Variants in TTYH2 observed in about 807,000 individuals in gnomAD.
TTYH2 encodes protein tweety homolog 2.
In TTYH2, 49 loss-of-function variants were observed where a neutral mutation model predicts 68.3. The ratio of observed to expected loss-of-function variants is 0.72; its 90% CI spans 0.57 to 0.91. The LOEUF (loss-of-function observed/expected upper bound fraction) is 0.91, where lower values mean the gene tolerates loss of function less well. Among genes scored for constraint, TTYH2 ranks in the 40% least tolerant of loss-of-function variants. The probability of loss-of-function intolerance (pLI) is 0.00; values close to 1 mark genes in which losing one functional copy is unlikely to be tolerated. For missense variants in TTYH2, 631 were observed against 700.4 expected, an observed-to-expected ratio of 0.90 and a Z score of 1.12; for synonymous variants, 272 against 300.8, an observed-to-expected ratio of 0.90 and a Z score of 0.99.
At chr17:74,256,603 C>T (rs1004255674) in intron 13 of TTYH2, among the ~76,000 whole-genome samples, 1 of 152,138 alleles carries the variant, frequency 6.6e-6, no homozygotes. Context: ...CTGGGGTCCC[C>T]GGGAGTGGGC....
intron 11 of TTYH2, among the ~76,000 whole-genome samples, chr17:74,252,788 C>T (rs1598233259): frequency 4.6e-5 from 7 of 152,138 alleles, no homozygotes; most frequent in Admixed American, 4.6e-4. Context: ...TGGGCAGGGA[C>T]ACATGGTGTA....
At chr17:74,249,317 G>A (rs1235301707) in intron 7 of TTYH2, 27 bp from the exon 8 acceptor site, 5 of 1,613,902 alleles carry the variant, frequency 3.1e-6, no homozygotes, top group Non-Finnish European at 3.4e-6. Flanking sequence ...TTTGTGAGCT[G>A]CCTAACGTTA....
chr17:74,258,556 C>T (rs80030411), intron 13 of TTYH2, among the ~76,000 whole-genome samples: 5,825 of 152,144 alleles, frequency 0.038, 272 homozygotes, highest in African/African-American at 0.1. Flanking sequence ...TGTGAGCCAC[C>T]GTGCCTGGCC....
intron 6 of TTYH2, among the ~76,000 whole-genome samples, chr17:74,244,388 A>G (rs1326261166): frequency 6.6e-6 from 1 of 152,160 alleles, no homozygotes; most frequent in Admixed American, 6.5e-5. Flanking sequence ...GGGTGTGAAG[A>G]ACTGACCGGG....
intron 2 of TTYH2, among the ~76,000 whole-genome samples, chr17:74,224,167 T>C (rs1392625545): frequency 6.6e-6 from 1 of 152,134 alleles, no homozygotes; most frequent in Non-Finnish European, 1.5e-5. Flanking sequence ...CCCAGCACTT[T>C]GGGAGGCCAA....
intron 3 of TTYH2, among the ~76,000 whole-genome samples, chr17:74,233,694 G>A (rs984646044): frequency 7.2e-5 from 11 of 152,142 alleles, no homozygotes; most frequent in East Asian, 3.9e-4. Flanking sequence ...ACCTATGCAC[G>A]TCCAACTAGA....
At chr17:74,259,000 C>T (rs554860539) in intron 13 of TTYH2, among the ~76,000 whole-genome samples, 14 of 152,066 alleles carry the variant, frequency 9.2e-5, no homozygotes, top group Non-Finnish European at 2.1e-4. Context: ...AGTGCAGAAT[C>T]TCAGGTCCTG....
intron 13 of TTYH2, among the ~76,000 whole-genome samples, chr17:74,256,025 T>C (rs2050690726): frequency 6.6e-6 from 1 of 152,102 alleles, no homozygotes; most frequent in Non-Finnish European, 1.5e-5. Context: ...GTGAAAATCA[T>C]AGTGTCAGAC....
In TTYH2 at chr17:74,243,481, T is replaced by C. The variant is rs376937058; in HGVS notation, c.731+12T>C. ...TGTCTCCTGGCCTCGTGAGTATCCC[T>C]ACCCGTGGACCTGGGACAAAGAGCT... On this transcript the variant is annotated intron_variant, in intron 5 of 13. Coordinates refer to ENST00000269346, the MANE Select transcript of TTYH2 (RefSeq NM_032646.6). 1.9e-6 allele frequency: 3 copies of C among 1,613,186 alleles called. No homozygotes were observed. The highest frequency in any genetic ancestry group is 2.7e-5 in the African/African-American group (2 of 75,042).
At chr17:74,250,234 C>T (rs763038400) in intron 9 of TTYH2, 31 bp from the exon 10 acceptor site, 68 of 1,565,926 alleles carry the variant, frequency 4.3e-5, no homozygotes, top group East Asian at 3.4e-4. Context: ...TCCACAGCCC[C>T]TCGGCCTCTC....
chr17:74,245,836 G>A (rs2050552366), intron 6 of TTYH2, among the ~76,000 whole-genome samples: 1 of 152,154 alleles, frequency 6.6e-6, no homozygotes, highest in Non-Finnish European at 1.5e-5. Context: ...CCTGCTCTCT[G>A]AGGCCTGTTT....
intron 6 of TTYH2, chr17:74,248,513 T>C: frequency 1.0e-6 from 1 of 992,518 alleles, no homozygotes; most frequent in Non-Finnish European, 1.2e-6. Context: ...CCTCATTCTT[T>C]AGAAAGAGTT....
intron 4 of TTYH2, 75 bp from the exon 5 acceptor site, chr17:74,243,299 T>C: frequency 8.1e-7 from 1 of 1,238,066 alleles, no homozygotes; most frequent in Non-Finnish European, 1.2e-6. Context: ...AGGGCTGCCG[T>C]GCAGGCCTCT....
chr17:74,236,428 A>C (rs1037988448), intron 3 of TTYH2, among the ~76,000 whole-genome samples: 3 of 152,258 alleles, frequency 2.0e-5, no homozygotes, highest in African/African-American at 7.2e-5. Context: ...TTTGTAAGCC[A>C]AAGTGCTGAA....
chr17:74,231,656 AACAGAATGAG>A (rs1190424705), intron 3 of TTYH2, among the ~76,000 whole-genome samples: 2 of 152,074 alleles, frequency 1.3e-5, no homozygotes, highest in Non-Finnish European at 2.9e-5. Flanking sequence ...CAGCCTGGGC[AACAGAATGAG>A]ACTCCATCTC....
At chr17:74,243,286 C>T (rs1280292397) in intron 4 of TTYH2, 88 bp from the exon 5 acceptor site, 2 of 1,102,712 alleles carry the variant, frequency 1.8e-6, no homozygotes, top group Non-Finnish European at 2.8e-6. Flanking sequence ...TCCAGTGTGT[C>T]CCAGGGCTGC....
chr17:74,244,197 G>A (rs73356650), intron 6 of TTYH2, 148 bp downstream of exon 6: 148,155 of 703,276 alleles, frequency 0.21, 17,367 homozygotes, highest in African/African-American at 0.31. Flanking sequence ...CATCTGAACC[G>A]GCCCCTCTCG....
At chr17:74,244,137 C>A in intron 6 of TTYH2, 88 bp downstream of exon 6, 1 of 1,287,976 alleles carries the variant, frequency 7.8e-7, no homozygotes, top group Non-Finnish European at 1.1e-6. Context: ...GCTTCCGGTC[C>A]CAGCTCCTAA....
rs139144878 is a variant in TTYH2, at chr17:74,228,690, A to C, written c.303-2198A>C. On this transcript the variant is annotated intron_variant, in intron 2 of 13. Coordinates refer to ENST00000269346, the MANE Select transcript of TTYH2 (RefSeq NM_032646.6). ...AATTCAGGGGCTGTTTGTAGACCACAAGATCAGTGGGGGGCGGGGGGAACC... is the reference window on the plus strand; with the variant it reads ...AATTCAGGGGCTGTTTGTAGACCACCAGATCAGTGGGGGGCGGGGGGAACC... Among the ~76,000 whole-genome samples, 280 of 151,784 alleles carry C rather than the reference A, an allele frequency of 1.8e-3. 1 individual carries two copies. Among genetic ancestry groups the C allele is most frequent in the African/African-American group, 6.4e-3 (264 of 41,462 alleles).
Sources: allele counts gnomAD v4.1 joint callset (sites outside exome capture counted in the v4.1 genomes callset), GRCh38; gene constraint gnomAD v4.1.1; transcripts MANE v1.5; gene names NCBI Gene and HGNC (gene_info 2026-07-23, HGNC 2026-07-21).